The following MAPKAP1 variants were observed in gnomAD, a reference collection of about 807,000 sequenced individuals.
MAPKAP1 encodes the protein MAPK associated protein 1.
A neutral mutation model predicts 65.7 loss-of-function variants in MAPKAP1; 20 were observed. That is an observed-to-expected ratio of 0.30 (90% CI 0.21 to 0.44). The LOEUF (loss-of-function observed/expected upper bound fraction) is 0.44, where lower values mean the gene tolerates loss of function less well. Among genes scored for constraint, MAPKAP1 ranks in the 20% least tolerant of loss-of-function variants. The pLI is 1.00. For missense variants in MAPKAP1, 423 were observed against 648.0 expected (o/e 0.65, Z 3.77); for synonymous variants, 222 against 244.3 (o/e 0.91, Z 0.85).
At chr9:125,463,704 G>C (rs759106168) in intron 10 of MAPKAP1, among the ~76,000 whole-genome samples, 6 of 152,170 alleles carry the variant, frequency 3.9e-5, no homozygotes, top group Non-Finnish European at 8.8e-5. Context: ...AGCATGAACA[G>C]AATCAGATTT....
chr9:125,603,335 G>A (rs907850019), intron 4 of MAPKAP1, among the ~76,000 whole-genome samples: 5 of 152,154 alleles, frequency 3.3e-5, no homozygotes, highest in African/African-American at 1.2e-4. Flanking sequence ...TGGCTACCCA[G>A]GTGGCAGTAC....
intron 5 of MAPKAP1, among the ~76,000 whole-genome samples, chr9:125,561,256 T>C (rs533082274): frequency 2.0e-5 from 3 of 152,326 alleles, no homozygotes; most frequent in South Asian, 4.1e-4. Flanking sequence ...ATTTTCCCAA[T>C]TAATTCACAA....
chr9:125,681,346 G>A (rs1834815586), intron 1 of MAPKAP1, among the ~76,000 whole-genome samples: 1 of 152,210 alleles, frequency 6.6e-6, no homozygotes, highest in Non-Finnish European at 1.5e-5. Flanking sequence ...ATGGGAAAAA[G>A]TCAGGGGTAA....
chr9:125,542,048 A>C (rs1830267199), intron 7 of MAPKAP1, among the ~76,000 whole-genome samples: 1 of 152,050 alleles, frequency 6.6e-6, no homozygotes, highest in African/African-American at 2.4e-5. Flanking sequence ...AACCGCCCCT[A>C]CCAGCATCTC....
At chr9:125,649,492 T>C (rs996116362) in intron 4 of MAPKAP1, among the ~76,000 whole-genome samples, 1 of 152,202 alleles carries the variant, frequency 6.6e-6, no homozygotes, top group African/African-American at 2.4e-5. Flanking sequence ...GGCATCTGAG[T>C]GCACATCCCT....
intron 7 of MAPKAP1, among the ~76,000 whole-genome samples, chr9:125,516,973 G>T (rs1589251854): frequency 6.6e-6 from 1 of 152,262 alleles, no homozygotes; most frequent in East Asian, 1.9e-4. Context: ...CCTTAACAAC[G>T]TGCTTTCCAT....
chr9:125,583,222 G>T (rs1468245168), intron 5 of MAPKAP1, among the ~76,000 whole-genome samples: 1 of 152,116 alleles, frequency 6.6e-6, no homozygotes, highest in Admixed American at 6.5e-5. Flanking sequence ...CCCTCTGTTG[G>T]AATGCCCTCC....
At position 125,447,224 on chromosome 9, in the gene MAPKAP1, TGAGG is replaced by T. The variant is rs1852751193; in HGVS notation, c.1346-2630_1346-2627del. 6 of 363,016 alleles carry T rather than the reference TGAGG, an allele frequency of 1.7e-5. 1 individual carries two copies. Among genetic ancestry groups the T allele is most frequent in the South Asian group, 1.2e-4 (6 of 48,822 alleles). 22.5% of individuals were successfully genotyped at this position (363,016 alleles called of 1,614,324 possible). A position where few individuals can be genotyped will look rare whatever the true frequency, so the allele number is the denominator to read the frequency against. On this transcript the variant is annotated intron_variant, in intron 10 of 11. Coordinates refer to ENST00000265960, the MANE Select transcript of MAPKAP1 (RefSeq NM_001006617.3). The surrounding 1 kb of genome is among the most constrained non-coding windows in gnomAD (Gnocchi z 4.5). ...CCCAGGGCTCATTCCAGCACCCATC[TGAGG>T]AAGAGTGAAGCAGGTGAGGAGGAGG...
chr9:125,604,291 GACTTC>G (rs1477047568), intron 4 of MAPKAP1, among the ~76,000 whole-genome samples: 1 of 152,136 alleles, frequency 6.6e-6, no homozygotes, highest in African/African-American at 2.4e-5. Flanking sequence ...CTAAATTAGT[GACTTC>G]ACTTAGCATG....
intron 7 of MAPKAP1, among the ~76,000 whole-genome samples, chr9:125,536,489 T>C (rs1321561267): frequency 6.6e-6 from 1 of 152,226 alleles, no homozygotes; most frequent in Non-Finnish European, 1.5e-5. Context: ...ATGAGTGGCA[T>C]CAGCATGATT....
At chr9:125,622,307 T>C (rs1832928144) in intron 4 of MAPKAP1, among the ~76,000 whole-genome samples, 1 of 152,194 alleles carries the variant, frequency 6.6e-6, no homozygotes, top group Admixed American at 6.5e-5. Context: ...AAAAAAGGAT[T>C]ATGAATGTTC....
At chr9:125,582,629 GCT>G (rs1831659022) in intron 5 of MAPKAP1, among the ~76,000 whole-genome samples, 1 of 152,134 alleles carries the variant, frequency 6.6e-6, no homozygotes, top group Non-Finnish European at 1.5e-5. Context: ...TGGTTGCACT[GCT>G]CTCTCTATTC....
At chr9:125,450,972 A>G (rs555963221) in intron 10 of MAPKAP1, 2 of 152,456 alleles carry the variant, frequency 1.3e-5, no homozygotes, top group East Asian at 3.9e-4. Context: ...CTCCTTCCCA[A>G]GCACTCCTGC....
rs140848707 is a variant in MAPKAP1 at position 125,442,568 on chromosome 9, G to A, written c.1443+1933C>T. 5.3e-3 allele frequency among the ~76,000 whole-genome samples: 789 copies of A among 149,096 alleles called. 6 individuals are homozygous for A. Among genetic ancestry groups the A allele is most frequent in the African/African-American group, 0.018 (740 of 40,466 alleles). On this transcript the variant is annotated intron_variant, in intron 11 of 11. Transcript: ENST00000265960. Reference sequence around the variant, plus strand: ...AAAAAAAAAAAGTCCAGCCCCTATCGGGGTAATGGAATATTTCTCTGCCAG... The same window carrying A: ...AAAAAAAAAAAGTCCAGCCCCTATCAGGGTAATGGAATATTTCTCTGCCAG...
At chr9:125,689,192 C>T (rs866954516) in intron 1 of MAPKAP1, among the ~76,000 whole-genome samples, 2 of 151,948 alleles carry the variant, frequency 1.3e-5, no homozygotes, top group Non-Finnish European at 1.5e-5. Context: ...AATCCCAGCA[C>T]TTTGGGAGGC....
At chr9:125,704,541 T>C (rs2131889721) in intron 1 of MAPKAP1, among the ~76,000 whole-genome samples, 1 of 152,316 alleles carries the variant, frequency 6.6e-6, no homozygotes, top group South Asian at 2.1e-4. Context: ...TTACTTCTTT[T>C]TGTATCCCCA....
chr9:125,544,273 G>T (rs1489973499), intron 6 of MAPKAP1, among the ~76,000 whole-genome samples: 2 of 152,002 alleles, frequency 1.3e-5, no homozygotes, highest in African/African-American at 2.4e-5. Flanking sequence ...TGCCCAAAGT[G>T]CTGGGATTAC....
intron 4 of MAPKAP1, among the ~76,000 whole-genome samples, chr9:125,609,552 G>A (rs1832539979): frequency 6.6e-6 from 1 of 152,094 alleles, no homozygotes; most frequent in Non-Finnish European, 1.5e-5. Context: ...TCACTATGTT[G>A]CCCAGGTTGG....
intron 4 of MAPKAP1, among the ~76,000 whole-genome samples, chr9:125,603,566 C>T (rs964599117): frequency 2.0e-5 from 3 of 152,130 alleles, no homozygotes; most frequent in East Asian, 1.9e-4. Flanking sequence ...TCAAAGTCTC[C>T]GGGGTTTCTG....
Sources: allele counts gnomAD v4.1 joint callset (sites outside exome capture counted in the v4.1 genomes callset), GRCh38; gene constraint gnomAD v4.1.1; non-coding constraint Gnocchi (gnomAD v3.1); transcripts MANE v1.5; gene names NCBI Gene and HGNC (gene_info 2026-07-23, HGNC 2026-07-21).